ABCC12: variants seen among roughly 807,000 people sequenced by gnomAD.
ABCC12 encodes ATP binding cassette subfamily C member 12, also known as ATP-binding cassette sub-family C member 12.
A neutral mutation model predicts 151.1 loss-of-function variants in ABCC12; 142 were observed. The ratio of observed to expected loss-of-function variants is 0.94; its 90% CI spans 0.82 to 1.08. The LOEUF is 1.08. Ranked by LOEUF, ABCC12 falls within the 50% of genes least tolerant of loss-of-function variation. The pLI is 0.00. For missense variants in ABCC12, 1,638 were observed against 1,691.1 expected (o/e 0.97, Z 0.55); for synonymous variants, 645 against 646.4 (o/e 1.00, Z 0.03).
intron 10 of ABCC12, 152 bp from the exon 11 acceptor site, chr16:48,128,889 G>A: frequency 1.1e-6 from 1 of 905,630 alleles, no homozygotes; most frequent in East Asian, 2.6e-5. Context: ...CCCAGGAGAA[G>A]CTGCAGCAGA....
chr16:48,145,496 C>T (rs79485870), intron 3 of ABCC12, among the ~76,000 whole-genome samples: 1 of 152,202 alleles, frequency 6.6e-6, no homozygotes, highest in African/African-American at 2.4e-5. Flanking sequence ...TGTGACCTGG[C>T]AGCTCATTCC....
chr16:48,135,035 G>C (rs1188259755), intron 8 of ABCC12, among the ~76,000 whole-genome samples: 1 of 148,298 alleles, frequency 6.7e-6, no homozygotes, highest in Non-Finnish European at 1.5e-5. Context: ...CTGGGCGAGA[G>C]CGAGACTCTG....
chr16:48,104,427 G>A (rs914866278), intron 21 of ABCC12, 59 bp from the exon 22 acceptor site: 2 of 1,502,054 alleles, frequency 1.3e-6, no homozygotes, highest in Admixed American at 1.7e-5. Flanking sequence ...AAACCCTGCT[G>A]CTCTGCTGGA....
chr16:48,107,380 A>G lies in ABCC12; in HGVS notation c.2417T>C (p.Ile806Thr). The change falls in exon 20 of 31, where the codon ATT becomes ACT. Residue 806 changes from isoleucine (I) to threonine (T), a missense_variant. Coordinates refer to ENST00000311303, the MANE Select transcript of ABCC12 (RefSeq NM_001393797.1). Reference sequence around the variant, plus strand: ...CCAGTTGCTGAAGGCAGCGCTGCCAATCATCAGGAGGAAGAGGAACACAGT... The same window carrying G: ...CCAGTTGCTGAAGGCAGCGCTGCCAGTCATCAGGAGGAAGAGGAACACAGT... ...LFTVFLFLLM[I>T]GSAAFSNWWL... 6.2e-7 allele frequency: 1 copy of G among 1,614,180 alleles called. No individual in the cohort carries two copies. Among genetic ancestry groups the G allele is most frequent in the South Asian group, 1.1e-5 (1 of 91,084 alleles).
chr16:48,138,947 T>C (rs1964704136), intron 7 of ABCC12, among the ~76,000 whole-genome samples: 2 of 151,746 alleles, frequency 1.3e-5, no homozygotes, highest in South Asian at 2.1e-4. Context: ...CCAGCCTGGG[T>C]GACAGAGCGA....
At position 48,096,199 on chromosome 16, in the gene ABCC12, A is replaced by G. The variant is rs1321350068; in HGVS notation, c.3195+547T>C. ...GAAGAGAAGTCAGTAATTATTTGTC[A>G]TCAATATTATGACTGTCTCCCCAGC... On this transcript the variant is annotated intron_variant, in intron 24 of 30. Transcript: ENST00000311303. 3.9e-5 allele frequency among the ~76,000 whole-genome samples: 6 copies of G among 152,372 alleles called. No individual in the cohort carries two copies. The East Asian group carries it at 1.2e-3, about 29-fold the overall frequency.
At chr16:48,144,198 A>G (rs1964923952) in intron 3 of ABCC12, 133 bp from the exon 4 acceptor site, 1 of 1,170,526 alleles carries the variant, frequency 8.5e-7, no homozygotes, top group Non-Finnish European at 1.2e-6. Flanking sequence ...CATTATGTTT[A>G]TTAGCCCTTT....
chr16:48,136,647 G>A (rs1416634591), intron 8 of ABCC12, among the ~76,000 whole-genome samples: 1 of 152,194 alleles, frequency 6.6e-6, no homozygotes, highest in Admixed American at 6.5e-5. Flanking sequence ...GCAGGATGAA[G>A]TGATTGAGAG....
chr16:48,090,984 T>C (rs1962858509), intron 25 of ABCC12, 136 bp downstream of exon 25: 1 of 811,632 alleles, frequency 1.2e-6, no homozygotes, highest in South Asian at 1.5e-5. Context: ...GTGCTGGGAT[T>C]ATAGGCGTAA....
At chr16:48,137,236 G>T (rs1465428707) in intron 8 of ABCC12, among the ~76,000 whole-genome samples, 1 of 152,148 alleles carries the variant, frequency 6.6e-6, no homozygotes, top group Non-Finnish European at 1.5e-5. Flanking sequence ...CAACAAACTC[G>T]TGGCTATTTT....
chr16:48,117,254 C>T lies in ABCC12; in HGVS notation c.1785+7G>A, dbSNP rs114351139. ...TACAGTGGGCTTGCGCTCCCAGCCCCGCTCACCTCAGTCAGGTCTCCATAG... is the reference window on the plus strand; with the variant it reads ...TACAGTGGGCTTGCGCTCCCAGCCCTGCTCACCTCAGTCAGGTCTCCATAG... On this transcript the variant is annotated splice_region_variant and intron_variant, in intron 14 of 30. Transcript: ENST00000311303. The T allele has an allele frequency of 3.8e-4, 607 of 1,612,948 alleles. 3 individuals carry two copies. In the African/African-American group the frequency reaches 7.5e-3, roughly 20 times the overall value.
chr16:48,101,892 T>C (rs144667916), intron 22 of ABCC12, among the ~76,000 whole-genome samples: 1 of 152,316 alleles, frequency 6.6e-6, no homozygotes, highest in East Asian at 1.9e-4. Context: ...ATCCAGGACT[T>C]GCTTTTATCC....
chr16:48,144,202 GC>G (rs1324309752), intron 3 of ABCC12, 137 bp from the exon 4 acceptor site: 2 of 1,136,292 alleles, frequency 1.8e-6, no homozygotes, highest in African/African-American at 3.1e-5. Flanking sequence ...ATGTTTATTA[GC>G]CCTTTGAGCA....
chr16:48,100,806 T>C, intron 23 of ABCC12, 66 bp downstream of exon 23: 1 of 1,562,716 alleles, frequency 6.4e-7, no homozygotes, highest in Non-Finnish European at 8.7e-7. Flanking sequence ...CCTCCTCCTG[T>C]GCACTCCCCA....
In ABCC12 at chr16:48,140,932, C is replaced by A. The variant is rs1241000272; in HGVS notation, c.424-12G>T. The A allele has an allele frequency of 2.5e-6, 4 of 1,609,524 alleles. No homozygotes were observed. Among genetic ancestry groups the A allele is most frequent in the Non-Finnish European group, 3.4e-6 (4 of 1,176,606 alleles). ...TGAATGAGAACTGTCTGTAAAACAG[C>A]ATGGTGGGGAGAAGAGAGGGCCACT... On this transcript the variant is annotated splice_polypyrimidine_tract_variant and intron_variant, in intron 5 of 30. Coordinates refer to ENST00000311303, the MANE Select transcript of ABCC12 (RefSeq NM_001393797.1).
intron 1 of ABCC12, among the ~76,000 whole-genome samples, chr16:48,154,634 C>T (rs1161332003): frequency 6.6e-6 from 1 of 152,186 alleles, no homozygotes; most frequent in Non-Finnish European, 1.5e-5. Context: ...GTCTCTGCCC[C>T]AAGAGAGAAC....
chr16:48,083,745 C>G lies in ABCC12; in HGVS notation c.4050G>C (p.Ala1350=). The change falls in exon 31 of 31, where the codon GCG becomes GCC. Residue 1350 remains alanine (A), a synonymous_variant. Coordinates refer to ENST00000311303, the MANE Select transcript of ABCC12 (RefSeq NM_001393797.1). ...VLAEKPDSAF[A]MLLAAEVRL ...ATCTGACTTCTGCTGCTAGTAACAT[C>G]GCAAATGCAGAATCTGGCTTCTCTG... The G allele has an allele frequency of 5.6e-6, 9 of 1,614,184 alleles. No homozygotes were observed. Among genetic ancestry groups the G allele is most frequent in the Non-Finnish European group, 7.6e-6 (9 of 1,180,034 alleles).
At chr16:48,107,924 C>G (rs902781700) in intron 19 of ABCC12, among the ~76,000 whole-genome samples, 1 of 151,336 alleles carries the variant, frequency 6.6e-6, no homozygotes, top group Non-Finnish European at 1.5e-5. Context: ...ATTGCTTGAA[C>G]CTGGGAGGCA....
chr16:48,102,953 G>C (rs1963358928), intron 22 of ABCC12, among the ~76,000 whole-genome samples: 1 of 152,144 alleles, frequency 6.6e-6, no homozygotes, highest in South Asian at 2.1e-4. Flanking sequence ...TGTTCCCACT[G>C]CTGCTGCCTA....
Sources: gnomAD v4.1 joint callset for allele counts (sites outside exome capture counted in the v4.1 genomes callset) on GRCh38, gnomAD v4.1.1 for gene constraint, MANE v1.5 for transcripts, NCBI Gene and HGNC (gene_info 2026-07-23, HGNC 2026-07-21) for gene names.